Variants in RABGAP1 observed in about 807,000 individuals in gnomAD.
The protein encoded by RABGAP1 is rab GTPase-activating protein 1.
A neutral mutation model predicts 137.6 loss-of-function variants in RABGAP1; 23 were observed. That is an observed-to-expected ratio of 0.17 (90% CI 0.12 to 0.24). The LOEUF (loss-of-function observed/expected upper bound fraction) is 0.24. Among genes scored for constraint, RABGAP1 ranks in the 10% least tolerant of loss-of-function variants. The pLI is 1.00. For synonymous variants in RABGAP1, 451 were observed against 450.7 expected (o/e 1.00, Z -0.01); for missense variants, 906 against 1,275.8 (o/e 0.71, Z 4.42).
intron 9 of RABGAP1, among the ~76,000 whole-genome samples, chr9:122,997,902 T>C (rs1370347936): frequency 6.6e-6 from 1 of 152,140 alleles, no homozygotes; most frequent in Non-Finnish European, 1.5e-5. Flanking sequence ...TTTCCCCCCT[T>C]CAGTTTTTTG....
intron 22 of RABGAP1, among the ~76,000 whole-genome samples, chr9:123,098,287 A>G (rs1184735410): frequency 6.6e-6 from 1 of 152,238 alleles, no homozygotes; most frequent in Non-Finnish European, 1.5e-5. Context: ...GCCTGGGAGC[A>G]GTCCCCTCCC....
intron 6 of RABGAP1, among the ~76,000 whole-genome samples, chr9:122,992,932 T>C (rs1296564364): frequency 6.6e-6 from 1 of 151,724 alleles, no homozygotes; most frequent in Non-Finnish European, 1.5e-5. Context: ...GTTTGTCAGA[T>C]TTAAACTTGT....
At chr9:123,010,673 C>T in intron 11 of RABGAP1, 145 bp downstream of exon 11, 1 of 763,558 alleles carries the variant, frequency 1.3e-6, no homozygotes. Flanking sequence ...ATGTAAGTAG[C>T]TGTGGGAGAT....
At chr9:123,029,277 G>A (rs908418896) in intron 13 of RABGAP1, 3 of 526,242 alleles carry the variant, frequency 5.7e-6, no homozygotes, top group Non-Finnish European at 1.0e-5. Context: ...CACATCAGCT[G>A]CACTAAAATA....
intron 19 of RABGAP1, among the ~76,000 whole-genome samples, chr9:123,081,513 T>C (rs1387143281): frequency 6.6e-6 from 1 of 152,218 alleles, no homozygotes; most frequent in Non-Finnish European, 1.5e-5. Context: ...CATGGCTCAC[T>C]GCAGCCTCAA....
At chr9:122,991,233 C>T (rs1836707401) in intron 6 of RABGAP1, among the ~76,000 whole-genome samples, 1 of 151,970 alleles carries the variant, frequency 6.6e-6, no homozygotes, top group African/African-American at 2.4e-5. Context: ...AACCCTTTCT[C>T]ACTTTAAAAT....
At chr9:123,099,990 TA>T (rs1230983240) in intron 24 of RABGAP1, among the ~76,000 whole-genome samples, 2 of 152,116 alleles carry the variant, frequency 1.3e-5, no homozygotes, top group African/African-American at 4.8e-5. Context: ...AGTTTATTTT[TA>T]TTTTTTTTTA....
rs369253735 is a variant in RABGAP1, at chr9:123,094,844, G to A, written c.2629-2897G>A. ...ATGCAAATTTTCTAATTTTTCGTGT[G>A]TCTGTTGTTATAATTTGTGTCTTTC... On this transcript the variant is annotated intron_variant, in intron 21 of 25. Transcript: ENST00000373647. 7.2e-4 allele frequency among the ~76,000 whole-genome samples: 109 copies of A among 152,174 alleles called. 3 individuals carry two copies. The South Asian group carries it at 0.022, about 30-fold the overall frequency.
intron 7 of RABGAP1, 97 bp downstream of exon 7, chr9:122,996,248 G>C: frequency 6.9e-7 from 1 of 1,450,050 alleles, no homozygotes; most frequent in Admixed American, 3.0e-5. Flanking sequence ...TATTTCCAAA[G>C]AATTTTGTTC....
At chr9:122,960,401 ACT>A (rs1834789040) in intron 2 of RABGAP1, among the ~76,000 whole-genome samples, 1 of 151,946 alleles carries the variant, frequency 6.6e-6, no homozygotes, top group South Asian at 2.1e-4. Flanking sequence ...TGCCCAAACC[ACT>A]CTCATCCCAA....
chr9:123,098,263 T>A (rs1408787751), intron 22 of RABGAP1, among the ~76,000 whole-genome samples: 2 of 152,222 alleles, frequency 1.3e-5, no homozygotes, highest in East Asian at 1.9e-4. Context: ...TGGGAAGAGC[T>A]CTGGGTGCTG....
At chr9:122,971,398 C>A (rs1186013509) in intron 2 of RABGAP1, among the ~76,000 whole-genome samples, 1 of 152,086 alleles carries the variant, frequency 6.6e-6, no homozygotes, top group Non-Finnish European at 1.5e-5. Flanking sequence ...TGGTATTTCC[C>A]CAGATAACCC....
At chr9:122,951,698 T>C (rs1281561305) in intron 1 of RABGAP1, among the ~76,000 whole-genome samples, 1 of 152,110 alleles carries the variant, frequency 6.6e-6, no homozygotes, top group Non-Finnish European at 1.5e-5. Context: ...GCCTCCCAAG[T>C]AGCTGGCACT....
At chr9:123,025,647 A>G (rs1053571848) in intron 13 of RABGAP1, among the ~76,000 whole-genome samples, 13 of 146,496 alleles carry the variant, frequency 8.9e-5, no homozygotes, top group Middle Eastern at 3.4e-3. Context: ...GCATGTTCAC[A>G]CTACAGCAAA....
Position 123,015,447 on chromosome 9 carries a change from A to C in RABGAP1, c.1550-96A>C. The C allele has an allele frequency of 4.3e-6, 3 of 702,146 alleles. No individual in the cohort carries two copies. The South Asian group carries it at 6.0e-5, about 14-fold the overall frequency. 43.5% of individuals were successfully genotyped at this position (702,146 alleles called of 1,614,324 possible). A position where few individuals can be genotyped will look rare whatever the true frequency, so the allele number is the denominator to read the frequency against. On this transcript the variant is annotated intron_variant, in intron 11 of 25. Coordinates refer to ENST00000373647, the MANE Select transcript of RABGAP1 (RefSeq NM_012197.4). ...AGAGAAATTATGACTTTATGCTCCC[A>C]GTAAAGTCTTTCAAATTTGACTCTT...
chr9:122,959,204 G>C (rs986105178), intron 2 of RABGAP1, among the ~76,000 whole-genome samples: 1 of 152,066 alleles, frequency 6.6e-6, no homozygotes, highest in African/African-American at 2.4e-5. Flanking sequence ...GAGCTTTCCA[G>C]TTAGAGCAGC....
At chr9:122,985,611 C>CAAAA (rs34147826) in intron 3 of RABGAP1, among the ~76,000 whole-genome samples, 50 of 90,448 alleles carry the variant, frequency 5.5e-4, no homozygotes, top group East Asian at 1.7e-3. Flanking sequence ...GACTCCGTCT[C>CAAAA]AAAAAAAAAA....
In RABGAP1 at chr9:123,074,074, T is replaced by A. The variant is rs2034440809; in HGVS notation, c.2110-211T>A. Among the ~76,000 whole-genome samples, 4 of 152,212 alleles carry A rather than the reference T, an allele frequency of 2.6e-5. No individual in the cohort carries two copies. In the South Asian group the frequency reaches 8.3e-4, roughly 31 times the overall value. On this transcript the variant is annotated intron_variant, in intron 16 of 25. Transcript: ENST00000373647. ...CAAATACTTGTCACCATTTTGGGGATTCCTCTTTCTTTAGAACAAGTTTGT... is the reference window on the plus strand; with the variant it reads ...CAAATACTTGTCACCATTTTGGGGAATCCTCTTTCTTTAGAACAAGTTTGT...
chr9:122,961,441 C>T lies in RABGAP1; in HGVS notation c.150+4232C>T, dbSNP rs114092599. On this transcript the variant is annotated intron_variant, in intron 2 of 25. Coordinates refer to ENST00000373647, the MANE Select transcript of RABGAP1 (RefSeq NM_012197.4). ...TGTCCAGCAAAGCTATTATTCAAAACGGAAGGTTCCTTGAAGTAAAGGCAT... is the reference window on the plus strand; with the variant it reads ...TGTCCAGCAAAGCTATTATTCAAAATGGAAGGTTCCTTGAAGTAAAGGCAT... 9.7e-3 allele frequency among the ~76,000 whole-genome samples: 1,474 copies of T among 152,260 alleles called. 28 individuals are homozygous for T. Among genetic ancestry groups the T allele is most frequent in the African/African-American group, 0.034 (1,404 of 41,546 alleles).
Sources: allele counts gnomAD v4.1 joint callset (sites outside exome capture counted in the v4.1 genomes callset), GRCh38; gene constraint gnomAD v4.1.1; transcripts MANE v1.5; gene names NCBI Gene and HGNC (gene_info 2026-07-23, HGNC 2026-07-21).